The following MBD5 variants were observed in gnomAD, a reference collection of about 807,000 sequenced individuals.
MBD5 encodes methyl-CpG binding domain protein 5.
A neutral mutation model predicts 117.3 loss-of-function variants in MBD5; 13 were observed. The observed-to-expected ratio is 0.11, with a 90% CI of 0.07 to 0.18. MBD5 has a LOEUF of 0.18. Among genes scored for constraint, MBD5 ranks in the 10% least tolerant of loss-of-function variants. The pLI is 1.00. For synonymous variants in MBD5, 727 were observed against 766.4 expected, an observed-to-expected ratio of 0.95 and a Z score of 0.85; for missense variants, 1,879 against 2,093.8, an observed-to-expected ratio of 0.90 and a Z score of 2.00.
intron 11 of MBD5, 42 bp downstream of exon 11, chr2:148,490,636 C>T: frequency 6.2e-7 from 1 of 1,609,474 alleles, no homozygotes; most frequent in African/African-American, 1.3e-5. Context: ...AACCTTTGTT[C>T]AGATATCAAT....
intron 5 of MBD5, chr2:148,460,416 A>T (rs1707032197): frequency 6.6e-6 from 1 of 152,234 alleles, no homozygotes. Context: ...TTTGGAAACA[A>T]GCTTTCCTAG....
intron 1 of MBD5, chr2:148,054,619 T>C (rs73964195): frequency 0.011 from 1,663 of 152,312 alleles, 39 homozygotes; most frequent in African/African-American, 0.038. Context: ...TCCAAGTACA[T>C]GATCACTTTT....
intron 4 of MBD5, among the ~76,000 whole-genome samples, chr2:148,453,604 T>A (rs550726401): frequency 7.4e-4 from 112 of 152,224 alleles, no homozygotes; most frequent in African/African-American, 2.6e-3. Flanking sequence ...TGAAGCCATA[T>A]AAACAAGGTG....
intron 2 of MBD5, among the ~76,000 whole-genome samples, chr2:148,212,780 A>AT (rs1699458264): frequency 6.6e-6 from 1 of 152,072 alleles, no homozygotes; most frequent in Non-Finnish European, 1.5e-5. Context: ...TAGCATATTC[A>AT]TTTTTTCTAG....
At chr2:148,170,679 CTG>C (rs1204635028) in intron 1 of MBD5, among the ~76,000 whole-genome samples, 1 of 152,156 alleles carries the variant, frequency 6.6e-6, no homozygotes, top group Non-Finnish European at 1.5e-5. Flanking sequence ...AAAACAATCA[CTG>C]TTAAAAGTTT....
At chr2:148,186,273 TC>T (rs1209729349) in intron 2 of MBD5, among the ~76,000 whole-genome samples, 1 of 152,196 alleles carries the variant, frequency 6.6e-6, no homozygotes, top group Non-Finnish European at 1.5e-5. Context: ...AACAGGAGTT[TC>T]CCAGCTCAAG....
intron 11 of MBD5, among the ~76,000 whole-genome samples, chr2:148,498,205 G>A (rs1441068934): frequency 3.3e-5 from 5 of 152,190 alleles, no homozygotes; most frequent in Non-Finnish European, 5.9e-5. Context: ...ATTCTTTGAC[G>A]TTTGCACAAC....
At chr2:148,049,889 C>T (rs181355870) in intron 1 of MBD5, among the ~76,000 whole-genome samples, 1 of 152,168 alleles carries the variant, frequency 6.6e-6, no homozygotes. Context: ...ATCAGTACTT[C>T]AATCTCCTTT....
At chr2:148,261,281 A>G (rs374947688) in intron 3 of MBD5, among the ~76,000 whole-genome samples, 156 of 152,328 alleles carry the variant, frequency 1.0e-3, no homozygotes, top group African/African-American at 3.5e-3. Context: ...TCTAACTGTG[A>G]AAGTCCTAAA....
intron 2 of MBD5, among the ~76,000 whole-genome samples, chr2:148,188,996 G>T (rs1303671828): frequency 3.3e-5 from 5 of 149,550 alleles, no homozygotes; most frequent in African/African-American, 5.0e-5. Context: ...AAGGGGTGAC[G>T]GACGCACCTG....
intron 8 of MBD5, among the ~76,000 whole-genome samples, chr2:148,472,766 G>A (rs1419352432): frequency 6.6e-6 from 1 of 152,140 alleles, no homozygotes; most frequent in Non-Finnish European, 1.5e-5. Flanking sequence ...GACATTAGAA[G>A]AAAACCACAT....
At chr2:148,048,260 C>T (rs998107722) in intron 1 of MBD5, among the ~76,000 whole-genome samples, 4 of 152,066 alleles carry the variant, frequency 2.6e-5, no homozygotes, top group Admixed American at 6.6e-5. Flanking sequence ...CAGTAGGACT[C>T]GAGAAATGTT....
intron 1 of MBD5, among the ~76,000 whole-genome samples, chr2:148,077,213 G>A (rs1038253667): frequency 2.6e-5 from 4 of 152,120 alleles, no homozygotes; most frequent in African/African-American, 9.7e-5. Flanking sequence ...TCTTAATAGT[G>A]TGCCTTTTGT....
At chr2:148,081,061 A>C (rs1695636469) in intron 1 of MBD5, among the ~76,000 whole-genome samples, 1 of 152,222 alleles carries the variant, frequency 6.6e-6, no homozygotes, top group Admixed American at 6.5e-5. Flanking sequence ...TCATGTACCC[A>C]AAAGACTATA....
intron 4 of MBD5, among the ~76,000 whole-genome samples, chr2:148,383,636 T>A (rs965465873): frequency 2.4e-5 from 3 of 124,158 alleles, no homozygotes; most frequent in Non-Finnish European, 4.9e-5. Flanking sequence ...TACCAAAGCC[T>A]GGCAGAGACA....
At chr2:148,365,867 A>ATTTAGGGGTAAAT in intron 4 of MBD5, among the ~76,000 whole-genome samples, 1 of 152,156 alleles carries the variant, frequency 6.6e-6, no homozygotes, top group African/African-American at 2.4e-5. Context: ...CCCAGACCAG[A>ATTTAGGGGTAAAT]TGGATGCCCA....
chr2:148,504,855 C>T (rs917680319), intron 12 of MBD5, among the ~76,000 whole-genome samples: 4 of 151,968 alleles, frequency 2.6e-5, no homozygotes, highest in Admixed American at 6.6e-5. Flanking sequence ...GAGGTATAAG[C>T]GGGAACCAGA....
chr2:148,270,438 G>C (rs539383144), intron 3 of MBD5, among the ~76,000 whole-genome samples: 72 of 149,942 alleles, frequency 4.8e-4, no homozygotes, highest in African/African-American at 1.7e-3. Context: ...ACCCAGACTG[G>C]AGTGCAGTGT....
At chr2:148,021,848 G>C (rs1485259443) in intron 1 of MBD5, 164 bp downstream of exon 1, 1 of 168,390 alleles carries the variant, frequency 5.9e-6, no homozygotes, top group Non-Finnish European at 1.3e-5. Flanking sequence ...GTGTGAGGTG[G>C]GGTGCCCATC....
Sources: gnomAD v4.1 joint callset for allele counts (sites outside exome capture counted in the v4.1 genomes callset) on GRCh38, gnomAD v4.1.1 for gene constraint, MANE v1.5 for transcripts, NCBI Gene and HGNC (gene_info 2026-07-23, HGNC 2026-07-21) for gene names.